The following MYLK variants were observed in gnomAD, a reference collection of about 807,000 sequenced individuals.
MYLK encodes the protein myosin light chain kinase.
A neutral mutation model predicts 203.4 loss-of-function variants in MYLK; 106 were observed. That is an observed-to-expected ratio of 0.52 (90% CI 0.45 to 0.61). The LOEUF is 0.61. MYLK is among the 20% of genes least tolerant of loss of function. MYLK has a pLI of 0.00. For synonymous variants in MYLK, 867 were observed against 959.5 expected, an observed-to-expected ratio of 0.90 and a Z score of 1.78; for missense variants, 2,072 against 2,442.3, an observed-to-expected ratio of 0.85 and a Z score of 3.20.
At chr3:123,619,153 C>T (rs1052392982) in intron 32 of MYLK, among the ~76,000 whole-genome samples, 5 of 152,240 alleles carry the variant, frequency 3.3e-5, no homozygotes, top group African/African-American at 7.2e-5. Context: ...CTTCCTTCTG[C>T]AGCAGGTGTT....
intron 27 of MYLK, among the ~76,000 whole-genome samples, chr3:123,641,727 G>A (rs954124622): frequency 1.4e-5 from 2 of 143,042 alleles, no homozygotes; most frequent in African/African-American, 5.7e-5. Flanking sequence ...CCTTCCTTCT[G>A]TCCTGCCTGC....
In MYLK at chr3:123,613,145, G is replaced by A. The variant is rs886057844; in HGVS notation, c.*960C>T. 1 of 152,238 alleles carries A rather than the reference G, an allele frequency of 6.6e-6. No homozygotes were observed. The highest frequency in any genetic ancestry group is 1.5e-5 in the Non-Finnish European group (1 of 68,040). 9.4% of individuals were successfully genotyped at this position (152,238 alleles called of 1,614,324 possible). A position where few individuals can be genotyped will look rare whatever the true frequency, so the allele number is the denominator to read the frequency against. ...TGGCTATCTTGGAGGAGATTCCAAA[G>A]TACATGGAGTTCTCCAGCTCTTTAT... On this transcript the variant is annotated 3_prime_UTR_variant, in exon 34 of 34. Transcript: ENST00000360304.
chr3:123,691,056 A>C (rs562822735), intron 19 of MYLK, among the ~76,000 whole-genome samples: 2 of 152,344 alleles, frequency 1.3e-5, no homozygotes, highest in East Asian at 3.9e-4. Context: ...TTTTACAGAT[A>C]GGGAGAATGA....
At chr3:123,794,711 C>T (rs2064922136) in intron 3 of MYLK, among the ~76,000 whole-genome samples, 1 of 152,192 alleles carries the variant, frequency 6.6e-6, no homozygotes, top group Admixed American at 6.5e-5. Context: ...CAGACGACTA[C>T]TCATTAGAGC....
At chr3:123,719,898 C>T (rs1344719606) in intron 13 of MYLK, among the ~76,000 whole-genome samples, 2 of 152,354 alleles carry the variant, frequency 1.3e-5, no homozygotes, top group East Asian at 3.9e-4. Context: ...AAAAACTCCA[C>T]AGCAGAGGAC....
chr3:123,734,316 C>T (rs527584859), intron 9 of MYLK, 94 bp from the exon 10 acceptor site: 18 of 1,265,700 alleles, frequency 1.4e-5, no homozygotes, highest in East Asian at 9.8e-5. Context: ...ATCACAAGCA[C>T]GGATTCCAGG....
At chr3:123,824,246 T>G (rs191804517) in intron 3 of MYLK, among the ~76,000 whole-genome samples, 3 of 152,118 alleles carry the variant, frequency 2.0e-5, no homozygotes, top group African/African-American at 7.2e-5. Flanking sequence ...TACACCATCA[T>G]GTCCAGCTAA....
intron 4 of MYLK, among the ~76,000 whole-genome samples, chr3:123,784,440 C>T (rs1160090363): frequency 8.1e-6 from 1 of 124,034 alleles, no homozygotes; most frequent in Non-Finnish European, 1.6e-5. Context: ...CATACTTAAA[C>T]CTGTTATTTG....
intron 2 of MYLK, among the ~76,000 whole-genome samples, chr3:123,832,257 C>T (rs922058206): frequency 2.6e-5 from 4 of 152,192 alleles, no homozygotes; most frequent in African/African-American, 7.2e-5. Context: ...ACGGGACCCC[C>T]GACTCAGCCT....
intron 4 of MYLK, 25 bp downstream of exon 4, chr3:123,793,652 C>A (rs777994569): frequency 6.2e-7 from 1 of 1,613,710 alleles, no homozygotes; most frequent in Non-Finnish European, 8.5e-7. Flanking sequence ...TCCCCACAGC[C>A]TCCCCATCCA....
chr3:123,712,694 A>C (rs2061743190), intron 13 of MYLK, among the ~76,000 whole-genome samples: 1 of 152,226 alleles, frequency 6.6e-6, no homozygotes, highest in South Asian at 2.1e-4. Flanking sequence ...TTCCACCTGC[A>C]GCTGTGGAGG....
At chr3:123,641,693 TCTTC>T (rs1013656111) in intron 27 of MYLK, among the ~76,000 whole-genome samples, 5 of 147,288 alleles carry the variant, frequency 3.4e-5, no homozygotes, top group South Asian at 2.1e-4. Flanking sequence ...AACCTACCTA[TCTTC>T]CTTCCTTCCT....
chr3:123,866,414 C>T (rs1281547795), intron 2 of MYLK, among the ~76,000 whole-genome samples: 3 of 152,070 alleles, frequency 2.0e-5, no homozygotes, highest in Non-Finnish European at 4.4e-5. Flanking sequence ...GTATGGAGTG[C>T]CTGGTATGTG....
chr3:123,859,976 A>G (rs2031751492), intron 2 of MYLK, among the ~76,000 whole-genome samples: 1 of 152,082 alleles, frequency 6.6e-6, no homozygotes, highest in African/African-American at 2.4e-5. Context: ...AAAAAAAAAA[A>G]ACTCCCCCTC....
chr3:123,795,632 C>A (rs2064958565), intron 3 of MYLK, among the ~76,000 whole-genome samples: 1 of 152,194 alleles, frequency 6.6e-6, no homozygotes, highest in East Asian at 1.9e-4. Context: ...CATTGGACAA[C>A]AACTGCCACC....
At chr3:123,665,373 A>G (rs1310938639) in intron 22 of MYLK, among the ~76,000 whole-genome samples, 1 of 152,222 alleles carries the variant, frequency 6.6e-6, no homozygotes, top group Non-Finnish European at 1.5e-5. Context: ...AGTAGTCCAG[A>G]TGTCGCTCAG....
intron 16 of MYLK, among the ~76,000 whole-genome samples, chr3:123,706,576 A>C (rs537298549): frequency 6.6e-6 from 1 of 152,354 alleles, no homozygotes; most frequent in East Asian, 1.9e-4. Context: ...CCCAGGACCC[A>C]CAGAAGGCAT....
At chr3:123,661,427 C>T (rs1034559865) in intron 23 of MYLK, among the ~76,000 whole-genome samples, 1 of 152,138 alleles carries the variant, frequency 6.6e-6, no homozygotes, top group African/African-American at 2.4e-5. Context: ...ATCACTAGCA[C>T]CAAGCCTCCA....
chr3:123,746,286 C>A (rs1445531426), intron 5 of MYLK, among the ~76,000 whole-genome samples: 1 of 142,908 alleles, frequency 7.0e-6, no homozygotes, highest in Non-Finnish European at 1.5e-5. Context: ...GGAGTTTGAG[C>A]TTTATTGTTC....
Sources: allele counts gnomAD v4.1 joint callset (sites outside exome capture counted in the v4.1 genomes callset), GRCh38; gene constraint gnomAD v4.1.1; transcripts MANE v1.5; gene names NCBI Gene and HGNC (gene_info 2026-07-23, HGNC 2026-07-21).